BCL2L14: variants seen among roughly 807,000 people sequenced by gnomAD.
BCL2L14 encodes apoptosis facilitator Bcl-2-like protein 14.
A neutral mutation model predicts 35.3 loss-of-function variants in BCL2L14; 27 were observed. The observed-to-expected ratio is 0.76, with a 90% CI of 0.56 to 1.05. The LOEUF is 1.05. Ranked by LOEUF, BCL2L14 falls within the 50% of genes least tolerant of loss-of-function variation. The pLI is 0.00. For synonymous variants in BCL2L14, 139 were observed against 145.9 expected (o/e 0.95, Z 0.34); for missense variants, 377 against 382.6 (o/e 0.99, Z 0.12).
At chr12:12,078,261 G>C (rs1641722) in intron 1 of BCL2L14, among the ~76,000 whole-genome samples, 150,741 of 152,238 alleles carry the variant, frequency 0.99, 74,645 homozygotes, top group Non-Finnish European at 1. Context: ...AAAAGAAAGA[G>C]AGAGAGAGAG....
chr12:12,060,814 G>C lies in BCL2L14; in HGVS notation c.-272+8967G>C, dbSNP rs528951868. On this transcript the variant is annotated intron_variant, in intron 2 of 3. Transcript: ENST00000461264. ...TCCCAGAGCCCCTGGAACTCTGGCC[G>C]AAGGCTCTCTGACTGACTCCTTCTC... Among the ~76,000 whole-genome samples the C allele has an allele frequency of 4.1e-4, 54 of 131,148 alleles. No homozygotes were observed. The South Asian group carries it at 8.0e-3, about 19-fold the overall frequency. 86.0% of individuals were successfully genotyped at this position (131,148 alleles called of 152,430 possible).
chr12:12,079,829 G>C, intron 2 of BCL2L14, 91 bp downstream of exon 2: 5 of 1,349,490 alleles, frequency 3.7e-6, no homozygotes, highest in Non-Finnish European at 5.1e-6. Context: ...TTGTAAAGTG[G>C]CTTTAGAGAA....
At chr12:12,063,953 A>G (rs931129663) in intron 2 of BCL2L14, among the ~76,000 whole-genome samples, 1 of 151,822 alleles carries the variant, frequency 6.6e-6, no homozygotes, top group African/African-American at 2.4e-5. Context: ...AATCCTGTAA[A>G]ACCCCATCTC....
At chr12:12,092,443 C>A (rs967780475) in intron 4 of BCL2L14, among the ~76,000 whole-genome samples, 1 of 152,180 alleles carries the variant, frequency 6.6e-6, no homozygotes, top group Non-Finnish European at 1.5e-5. Flanking sequence ...GGGTGCCAAG[C>A]TCCCACTGCA....
chr12:12,054,947 C>CAA (rs33941702), intron 2 of BCL2L14: 77,590 of 135,318 alleles, frequency 0.57, 24,209 homozygotes, highest in East Asian at 0.88. Flanking sequence ...GACTCCATCT[C>CAA]AAAAAAAAAA....
intron 3 of BCL2L14, among the ~76,000 whole-genome samples, chr12:12,089,654 T>TAC (rs1243519244): frequency 6.7e-6 from 1 of 150,370 alleles, no homozygotes; most frequent in East Asian, 2.0e-4. Context: ...GCCAAGATCG[T>TAC]GCCACTGCAC....
At chr12:12,097,950 C>G (rs1949352084) in intron 5 of BCL2L14, among the ~76,000 whole-genome samples, 1 of 152,030 alleles carries the variant, frequency 6.6e-6, no homozygotes, top group African/African-American at 2.4e-5. Flanking sequence ...AAACCTTAAT[C>G]TTAACTCTTG....
At chr12:12,052,360 T>C (rs1948369611) in intron 2 of BCL2L14, among the ~76,000 whole-genome samples, 2 of 152,222 alleles carry the variant, frequency 1.3e-5, no homozygotes, top group African/African-American at 4.8e-5. Context: ...TGAAACTGTG[T>C]AGCCTTTTCC....
At chr12:12,072,989 C>T (rs1201007346) in intron 1 of BCL2L14, among the ~76,000 whole-genome samples, 3 of 151,968 alleles carry the variant, frequency 2.0e-5, no homozygotes, top group South Asian at 4.2e-4. Flanking sequence ...CAGGCTCAAG[C>T]GATTCTCCCC....
In BCL2L14 at chr12:12,094,423, C is replaced by A. The variant is rs529228448; in HGVS notation, c.679-241C>A. 10 of 1,189,664 alleles carry A rather than the reference C, an allele frequency of 8.4e-6. 1 individual carries two copies. The African/African-American group carries it at 1.0e-4, about 12-fold the overall frequency. The allele number at this position is 1,189,664 out of a possible 1,614,324, so 73.7% of individuals were successfully genotyped here. On this transcript the variant is annotated intron_variant, in intron 4 of 5. Coordinates refer to ENST00000308721, the MANE Select transcript of BCL2L14 (RefSeq NM_138723.2). Reference sequence around the variant, plus strand: ...TGCTCAGGAAATATTTGTTAAATGTCAAATGAACTGACTGTTCCATTTTAT... The same window carrying A: ...TGCTCAGGAAATATTTGTTAAATGTAAAATGAACTGACTGTTCCATTTTAT...
chr12:12,087,100 A>T (rs1319019102), intron 2 of BCL2L14, 113 bp from the exon 3 acceptor site: 1 of 1,173,882 alleles, frequency 8.5e-7, no homozygotes, highest in Non-Finnish European at 1.2e-6. Context: ...ACATACTCCC[A>T]GGCAGTTTCC....
intron 1 of BCL2L14, chr12:12,077,919 C>A: frequency 4.9e-6 from 2 of 409,824 alleles, no homozygotes; most frequent in Non-Finnish European, 4.9e-6. Context: ...CAGAAGGAAA[C>A]AGATTATTAG....
chr12:12,056,448 C>A (rs1948434079), intron 2 of BCL2L14, among the ~76,000 whole-genome samples: 1 of 152,194 alleles, frequency 6.6e-6, no homozygotes, highest in Non-Finnish European at 1.5e-5. Context: ...GAATTTGACT[C>A]CAAGACTGTG....
chr12:12,061,701 G>T (rs1165523114), intron 2 of BCL2L14, among the ~76,000 whole-genome samples: 1 of 152,138 alleles, frequency 6.6e-6, no homozygotes, highest in Non-Finnish European at 1.5e-5. Flanking sequence ...CACCTGGACT[G>T]ACCCTGACAC....
chr12:12,058,703 C>T lies in BCL2L14; in HGVS notation c.-272+6856C>T, dbSNP rs181455557. Among the ~76,000 whole-genome samples, 226 of 152,204 alleles carry T rather than the reference C, an allele frequency of 1.5e-3. 4 individuals carry two copies. In the East Asian group the frequency reaches 0.03, roughly 20 times the overall value. On this transcript the variant is annotated intron_variant, in intron 2 of 3. Transcript: ENST00000461264. Reference sequence around the variant, plus strand: ...ACTGACTCTCTTTTCGGACTCAGCCCGCCTGCACCCAGGTGAAATAAACAG... The same window carrying T: ...ACTGACTCTCTTTTCGGACTCAGCCTGCCTGCACCCAGGTGAAATAAACAG...
At chr12:12,094,635 G>A (rs202074056) in intron 4 of BCL2L14, 29 bp from the exon 5 acceptor site, 10 of 1,614,188 alleles carry the variant, frequency 6.2e-6, no homozygotes, top group Non-Finnish European at 8.5e-6. Flanking sequence ...CCAAGCTACT[G>A]TACTGAGTGC....
intron 5 of BCL2L14, chr12:12,095,868 T>C: frequency 1.0e-6 from 1 of 985,422 alleles, no homozygotes; most frequent in Non-Finnish European, 1.2e-6. Flanking sequence ...GTACATTGAG[T>C]TCCTTTCTAT....
rs1002059638 is a variant in BCL2L14 at position 12,098,995 on chromosome 12, A to G, written c.*7A>G. ...ACATGAAGAAGTAGACTGAAATATCAGATTTGTCATCAGGAATACTCTTTG... is the reference window on the plus strand; with the variant it reads ...ACATGAAGAAGTAGACTGAAATATCGGATTTGTCATCAGGAATACTCTTTG... On this transcript the variant is annotated 3_prime_UTR_variant, in exon 6 of 6. Transcript: ENST00000308721. 3 of 1,596,448 alleles carry G rather than the reference A, an allele frequency of 1.9e-6. No homozygotes were observed. In the Admixed American group the frequency reaches 5.0e-5, roughly 27 times the overall value.
chr12:12,078,438 T>C (rs914257494), intron 1 of BCL2L14, among the ~76,000 whole-genome samples: 1 of 152,322 alleles, frequency 6.6e-6, no homozygotes, highest in Admixed American at 6.5e-5. Context: ...TGAAATGTAC[T>C]GATCAACGTG....
Sources: gnomAD v4.1 joint callset for allele counts (sites outside exome capture counted in the v4.1 genomes callset) on GRCh38, gnomAD v4.1.1 for gene constraint, MANE v1.5 for transcripts, NCBI Gene and HGNC (gene_info 2026-07-23, HGNC 2026-07-21) for gene names.